COPA: variants seen among roughly 807,000 people sequenced by gnomAD.
The protein encoded by COPA is coat protein complex I subunit alpha.
A neutral mutation model predicts 158.7 loss-of-function variants in COPA; 10 were observed. The ratio of observed to expected loss-of-function variants is 0.06; its 90% confidence interval spans 0.04 to 0.11. The LOEUF is 0.11. Among genes scored for constraint, COPA ranks in the 10% least tolerant of loss-of-function variants. The pLI, the probability that COPA is intolerant of heterozygous loss-of-function variation, is 1.00. For synonymous variants in COPA, 462 were observed against 542.8 expected (o/e 0.85, Z 2.07); for missense variants, 1,065 against 1,536.7 (o/e 0.69, Z 5.13).
chr1:160,303,802 C>T (rs532037038), intron 17 of COPA, among the ~76,000 whole-genome samples: 45 of 152,000 alleles, frequency 3.0e-4, no homozygotes, highest in African/African-American at 1.1e-3. Context: ...AAAGGACTGA[C>T]ATGCAAAAAA....
chr1:160,314,310 T>C (rs1659068993), intron 8 of COPA, among the ~76,000 whole-genome samples, 185 bp from the exon 9 acceptor site: 1 of 152,170 alleles, frequency 6.6e-6, no homozygotes, highest in African/African-American at 2.4e-5. Flanking sequence ...GGTTCTTTCA[T>C]TCTGACCCTC....
chr1:160,335,161 C>T (rs1359937297), intron 4 of COPA, 81 bp downstream of exon 4: 2 of 1,263,110 alleles, frequency 1.6e-6, no homozygotes, highest in African/African-American at 3.1e-5. Flanking sequence ...ATTATTAAAA[C>T]ATGGGTTCTC....
chr1:160,339,149 C>CCTT (rs1647920600), intron 3 of COPA, among the ~76,000 whole-genome samples: 18 of 120,120 alleles, frequency 1.5e-4, no homozygotes, highest in African/African-American at 7.3e-4. Flanking sequence ...CCTTATTGGC[C>CCTT]ATCTCATTTA....
In COPA at chr1:160,291,439, G is replaced by A. The variant is rs1658227522; in HGVS notation, c.3316C>T (p.Arg1106Cys). The change falls in exon 31 of 33, where the codon CGT (arginine) becomes TGT (cysteine). Residue 1106 changes from arginine (R) to cysteine (C), a missense_variant. By Grantham distance (180) the Arg-to-Cys change is radical. Coordinates refer to ENST00000241704, the MANE Select transcript of COPA (RefSeq NM_004371.4). ...LQPVHMILVLRTALNLFFKLK... is the reference protein window; with the variant it reads ...LQPVHMILVLCTALNLFFKLK... ...TTGAAGAACAGATTGAGGGCTGTAC[G>A]CAGCACCAGGATCATGTGCACAGGC... 1 of 1,614,154 alleles carries A rather than the reference G, an allele frequency of 6.2e-7. No individual in the cohort carries two copies. Among genetic ancestry groups the A allele is most frequent in the Non-Finnish European group, 8.5e-7 (1 of 1,180,010 alleles).
chr1:160,300,572 T>C (rs1358089517), intron 17 of COPA, among the ~76,000 whole-genome samples: 1 of 152,136 alleles, frequency 6.6e-6, no homozygotes, highest in Non-Finnish European at 1.5e-5. Flanking sequence ...CAAGGAAGAA[T>C]TAATTCCAGT....
At chr1:160,315,542 C>T (rs1188537816) in intron 8 of COPA, among the ~76,000 whole-genome samples, 1 of 152,216 alleles carries the variant, frequency 6.6e-6, no homozygotes, top group Non-Finnish European at 1.5e-5. Flanking sequence ...AGACAATGCT[C>T]TGGTCATTTA....
chr1:160,326,175 G>A (rs1344932093), intron 6 of COPA: 1 of 154,986 alleles, frequency 6.5e-6, no homozygotes, highest in African/African-American at 2.4e-5. Flanking sequence ...GTAACTGACT[G>A]TGAACAATCA....
At chr1:160,302,971 G>C (rs1016087796) in intron 17 of COPA, among the ~76,000 whole-genome samples, 3 of 152,064 alleles carry the variant, frequency 2.0e-5, no homozygotes, top group Non-Finnish European at 4.4e-5. Context: ...TCAGGAGTTC[G>C]AGACCAGCCT....
chr1:160,306,420 G>C lies in COPA; in HGVS notation c.1376C>G (p.Ala459Gly), dbSNP rs1431687560. The change falls in exon 15 of 33, where the codon GCT becomes GGT. Residue 459 changes from alanine (A) to glycine (G), a missense_variant. Coordinates refer to ENST00000241704, the MANE Select transcript of COPA (RefSeq NM_004371.4). ...TCGAAGCAGGAGATTGCCTGTGCCA[G>C]CATAGAAGATCTCATCACAGTTGGG... ...QVPNCDEIFY[A>G]GTGNLLLRDA... The C allele has an allele frequency of 1.2e-6, 2 of 1,614,114 alleles. No homozygotes were observed. The highest frequency in any genetic ancestry group is 2.2e-5 in the South Asian group (2 of 91,062).
chr1:160,291,798 T>C, intron 30 of COPA, 21 bp downstream of exon 30: 1 of 1,609,386 alleles, frequency 6.2e-7, no homozygotes, highest in African/African-American at 1.3e-5. Flanking sequence ...TCTGTTGTGC[T>C]CAGGGTCCTA....
At chr1:160,292,334 G>A (rs985704621) in intron 28 of COPA, 136 bp from the exon 29 acceptor site, 20 of 1,563,974 alleles carry the variant, frequency 1.3e-5, no homozygotes, top group Non-Finnish European at 1.5e-5. Flanking sequence ...GACAGCAGGT[G>A]TAAACCAACC....
chr1:160,327,262 C>A (rs181567404), intron 6 of COPA, among the ~76,000 whole-genome samples: 1 of 152,176 alleles, frequency 6.6e-6, no homozygotes, highest in Non-Finnish European at 1.5e-5. Flanking sequence ...AAAGGCTGGG[C>A]GCAGTGGCTC....
chr1:160,295,200 A>G (rs1658360121), intron 23 of COPA, among the ~76,000 whole-genome samples: 1 of 152,174 alleles, frequency 6.6e-6, no homozygotes, highest in African/African-American at 2.4e-5. Context: ...ACAGGGCATC[A>G]GGCATAGGGT....
Position 160,323,452 on chromosome 1 carries a change from C to G in COPA, c.685G>C (p.Val229Leu). The G allele has an allele frequency of 6.2e-7, 1 of 1,609,660 alleles. No homozygotes were observed. Residue 229 changes from valine (V) to leucine (L), a missense_variant, in exon 8 of 33, where the codon GTG becomes CTG. Physicochemically the swap from Val to Leu is conservative, Grantham distance 32. This residue lies in a region of COPA where 980 missense variants were observed against 1,357.8 expected (regional missense o/e 0.72). Transcript: ENST00000241704. ...LIVSGADDRQVKIWRMNESKA... is the reference protein window; with the variant it reads ...LIVSGADDRQLKIWRMNESKA... ...TCACCATTCATGCGCCAGATCTTCA[C>G]TTGACGATCATCTGCCCCAGATACA...
At chr1:160,311,353 G>A (rs1170154129) in intron 11 of COPA, among the ~76,000 whole-genome samples, 1 of 151,984 alleles carries the variant, frequency 6.6e-6, no homozygotes, top group East Asian at 1.9e-4. Context: ...CAGGAGAATT[G>A]CTTGAACCCA....
chr1:160,336,635 T>C (rs1169759963), intron 3 of COPA, among the ~76,000 whole-genome samples: 1 of 152,198 alleles, frequency 6.6e-6, no homozygotes, highest in Non-Finnish European at 1.5e-5. Context: ...AAATATAAAA[T>C]AGCTTATCTT....
intron 25 of COPA, among the ~76,000 whole-genome samples, chr1:160,293,738 T>C (rs1359395526): frequency 2.0e-5 from 3 of 152,104 alleles, no homozygotes; most frequent in Admixed American, 6.5e-5. Flanking sequence ...TCAAGTGATC[T>C]GCCTGGCTCA....
rs772882348 is a variant in COPA at position 160,292,089 on chromosome 1, C to T, written c.3070G>A (p.Glu1024Lys). 1 of 1,614,192 alleles carries T rather than the reference C, an allele frequency of 6.2e-7. No homozygotes were observed. Among genetic ancestry groups the T allele is most frequent in the Non-Finnish European group, 8.5e-7 (1 of 1,180,040 alleles). ...ATGGAACGGAATTTTTCCACAGCCTCCTCAAATTTGCCAACTGTGGTGAGC... is the reference window on the plus strand; with the variant it reads ...ATGGAACGGAATTTTTCCACAGCCTTCTCAAATTTGCCAACTGTGGTGAGC... ...YQLTTVGKFE[E>K]AVEKFRSILL... Residue 1024 changes from glutamate to lysine, a missense_variant, in exon 29 of 33, where the codon GAG (glutamate) becomes AAG (lysine). By Grantham distance (56) the Glu-to-Lys change is moderately conservative. Transcript: ENST00000241704.
chr1:160,296,157 G>T lies in COPA; in HGVS notation c.2264-8C>A, dbSNP rs1278303223. On this transcript the variant is annotated splice_region_variant and splice_polypyrimidine_tract_variant and intron_variant, in intron 21 of 32. Coordinates refer to ENST00000241704, the MANE Select transcript of COPA (RefSeq NM_004371.4). Reference sequence around the variant, plus strand: ...TGAGATAGGCCAGGGACTCTGTAGAGAAAACAGACTTTGTGGTATAGGTAC... The same window carrying T: ...TGAGATAGGCCAGGGACTCTGTAGATAAAACAGACTTTGTGGTATAGGTAC... 6 of 1,613,176 alleles carry T rather than the reference G, an allele frequency of 3.7e-6. No homozygotes were observed. The African/African-American group carries it at 6.7e-5, about 18-fold the overall frequency.
Sources: gnomAD v4.1 joint callset for allele counts (sites outside exome capture counted in the v4.1 genomes callset) on GRCh38, gnomAD v4.1.1 for gene constraint, gnomAD v4.1.1 regional missense constraint, MANE v1.5 for transcripts, NCBI Gene and HGNC (gene_info 2026-07-23, HGNC 2026-07-21) for gene names.